Variants in CCDC195 observed in about 807,000 individuals in gnomAD.
CCDC195 encodes the protein coiled-coil domain-containing protein 195.
At chr2:224,710,707 G>A (rs1689310825) in intron 1 of CCDC195, among the ~76,000 whole-genome samples, 1 of 152,194 alleles carries the variant, frequency 6.6e-6, no homozygotes, top group African/African-American at 2.4e-5. Context: ...CCAACCATAT[G>A]CCAGGATCTT....
At chr2:224,710,082 A>G (rs1423689506) in exon 2 of CCDC195, 3 of 398,490 alleles carry the variant, frequency 7.5e-6, no homozygotes, top group Non-Finnish European at 1.3e-5. Flanking sequence ...ATTGGAGAAC[A>G]TGCCAATGAC....
chr2:224,704,833 G>A (rs1343825339), intron 2 of CCDC195, among the ~76,000 whole-genome samples: 1 of 151,902 alleles, frequency 6.6e-6, no homozygotes, highest in Non-Finnish European at 1.5e-5. Context: ...TGTTGGCCAG[G>A]CTCGTCTTGA....
intron 1 of CCDC195, among the ~76,000 whole-genome samples, chr2:224,714,887 A>G (rs1448025720): frequency 6.6e-6 from 1 of 152,142 alleles, no homozygotes; most frequent in East Asian, 1.9e-4. Flanking sequence ...CAACCGGCAA[A>G]TATGACCTGT....
intron 2 of CCDC195, among the ~76,000 whole-genome samples, chr2:224,704,948 G>A (rs1004812291): frequency 6.6e-6 from 1 of 152,116 alleles, no homozygotes; most frequent in Non-Finnish European, 1.5e-5. Flanking sequence ...CTTTTGGGAG[G>A]TAGGCAGGCC....
intron 2 of CCDC195, among the ~76,000 whole-genome samples, chr2:224,709,733 A>G (rs1288196619): frequency 6.6e-6 from 1 of 152,238 alleles, no homozygotes; most frequent in Non-Finnish European, 1.5e-5. Context: ...ACTAATGCTT[A>G]ATGAATAAAT....
chr2:224,708,561 G>T (rs1405514387), intron 2 of CCDC195, among the ~76,000 whole-genome samples: 5 of 152,120 alleles, frequency 3.3e-5, no homozygotes, highest in African/African-American at 9.7e-5. Flanking sequence ...AGAACCTTCT[G>T]CAAGGGAAAC....
chr2:224,707,374 G>A (rs1689228391), intron 2 of CCDC195, among the ~76,000 whole-genome samples: 1 of 152,118 alleles, frequency 6.6e-6, no homozygotes, highest in Non-Finnish European at 1.5e-5. Flanking sequence ...CCAGGCTCCT[G>A]GCCTATCCTT....
At chr2:224,715,120 G>C (rs536132768) in intron 1 of CCDC195, among the ~76,000 whole-genome samples, 1 of 152,072 alleles carries the variant, frequency 6.6e-6, no homozygotes, top group Non-Finnish European at 1.5e-5. Flanking sequence ...GTAGAGACAG[G>C]GTTTCACCAT....
intron 2 of CCDC195, among the ~76,000 whole-genome samples, chr2:224,707,107 C>T (rs536537344): frequency 1.3e-5 from 2 of 152,148 alleles, no homozygotes; most frequent in African/African-American, 2.4e-5. Flanking sequence ...ACTGTTAGCA[C>T]GCTTGGCAAA....
intron 1 of CCDC195, among the ~76,000 whole-genome samples, chr2:224,715,566 C>T (rs2124856037): frequency 6.6e-6 from 1 of 152,170 alleles, no homozygotes; most frequent in Non-Finnish European, 1.5e-5. Context: ...AGGTGCAATA[C>T]TAAGCATTTA....
At position 224,716,140 on chromosome 2, in the gene CCDC195, CCTGCACTG is replaced by C. The variant is rs1689379996; in HGVS notation, c.218_225del (p.Ala73GlyfsTer10). ...CAGAATGTTTGGGTACCTTGGTGTT[CCTGCACTG>C]CTGGTGCTGCATCAGTGGAAACGGC... On this transcript the variant is annotated frameshift_variant, in exon 1 of 3. Coordinates refer to ENST00000638102, the Ensembl canonical transcript of CCDC195. LOFTEE classifies it high-confidence loss of function. 5 of 398,702 alleles carry C rather than the reference CCTGCACTG, an allele frequency of 1.3e-5. No individual in the cohort carries two copies. In the East Asian group the frequency reaches 1.8e-4, roughly 14 times the overall value. 24.7% of individuals were successfully genotyped at this position (398,702 alleles called of 1,614,324 possible).
intron 1 of CCDC195, among the ~76,000 whole-genome samples, chr2:224,710,884 G>A (rs1285006151): frequency 1.3e-5 from 2 of 152,184 alleles, no homozygotes; most frequent in Non-Finnish European, 2.9e-5. Context: ...ATGCAGGAAG[G>A]TGTTCGGAGG....
At chr2:224,711,379 A>T (rs374460663) in intron 1 of CCDC195, among the ~76,000 whole-genome samples, 2,382 of 105,434 alleles carry the variant, frequency 0.023, 33 homozygotes, top group Non-Finnish European at 0.032. Flanking sequence ...TTTTTTTTTT[A>T]ATAATGAAAA....
At chr2:224,707,935 CT>C (rs1689240576) in intron 2 of CCDC195, among the ~76,000 whole-genome samples, 1 of 148,220 alleles carries the variant, frequency 6.7e-6, no homozygotes, top group Non-Finnish European at 1.5e-5. Flanking sequence ...TTCCTTTCTT[CT>C]TTTCTTTTCT....
chr2:224,704,520 A>G (rs1010110218), intron 2 of CCDC195, among the ~76,000 whole-genome samples: 11 of 149,066 alleles, frequency 7.4e-5, no homozygotes, highest in Non-Finnish European at 1.5e-5. Flanking sequence ...GGGAACAAAG[A>G]GGGTAGATAA....
chr2:224,707,865 A>C (rs1217877274), intron 2 of CCDC195, among the ~76,000 whole-genome samples: 1 of 151,966 alleles, frequency 6.6e-6, no homozygotes, highest in Non-Finnish European at 1.5e-5. Context: ...GTTATATAAG[A>C]CTTTCTTTAT....
intron 2 of CCDC195, among the ~76,000 whole-genome samples, chr2:224,706,468 G>A (rs56981003): frequency 6.8e-6 from 1 of 147,110 alleles, no homozygotes; most frequent in Admixed American, 6.8e-5. Context: ...GCCTCCCAGA[G>A]TGCTGGGATT....
intron 2 of CCDC195, among the ~76,000 whole-genome samples, chr2:224,706,217 T>TG (rs1697239482): frequency 1.9e-5 from 2 of 106,368 alleles, no homozygotes; most frequent in African/African-American, 3.5e-5. Flanking sequence ...TTTTTTTTTT[T>TG]TTTTTTGAGA....
At chr2:224,706,188 A>ATTTTTT (rs1697238096) in intron 2 of CCDC195, among the ~76,000 whole-genome samples, 1 of 51,104 alleles carries the variant, frequency 2.0e-5, no homozygotes, top group Non-Finnish European at 3.7e-5. Flanking sequence ...ATATTTTGTA[A>ATTTTTT]CTTTTTTTTT....
Sources: gnomAD v4.1 joint callset for allele counts (sites outside exome capture counted in the v4.1 genomes callset) on GRCh38, gnomAD v4.1.1 for gene constraint, MANE v1.5 for transcripts, NCBI Gene and HGNC (gene_info 2026-07-23, HGNC 2026-07-21) for gene names.